TELO2: variants seen among roughly 807,000 people sequenced by gnomAD.
The protein encoded by TELO2 is telomere length regulation protein TEL2 homolog.
A neutral mutation model predicts 91.0 loss-of-function variants in TELO2; 71 were observed. That is an observed-to-expected ratio of 0.78 (90% CI 0.64 to 0.95). The LOEUF is 0.95. Among genes scored for constraint, TELO2 ranks in the 40% least tolerant of loss-of-function variants. The pLI is 0.00. For synonymous variants in TELO2, 584 were observed against 518.9 expected (o/e 1.13, Z -1.71); for missense variants, 1,183 against 1,141.3 (o/e 1.04, Z -0.53).
intron 3 of TELO2, among the ~76,000 whole-genome samples, 176 bp from the exon 4 acceptor site, chr16:1,496,860 G>A (rs2235629): frequency 0.11 from 16,444 of 152,292 alleles, 1,451 homozygotes; most frequent in African/African-American, 0.21. Flanking sequence ...TTGCTTGTCA[G>A]GTTCCACGCA....
At chr16:1,496,690 G>A (rs776580319) in intron 3 of TELO2, among the ~76,000 whole-genome samples, 32 of 152,204 alleles carry the variant, frequency 2.1e-4, no homozygotes, top group Non-Finnish European at 4.1e-4. Flanking sequence ...TCTCATGCCC[G>A]GCTCAGGGCC....
chr16:1,499,210 G>A, intron 5 of TELO2, 21 bp from the exon 6 acceptor site: 4 of 1,613,402 alleles, frequency 2.5e-6, no homozygotes, highest in Non-Finnish European at 3.4e-6. Context: ...TGCAGCTCTG[G>A]CCCCTGACTC....
At chr16:1,501,193 G>A (rs924583611) in intron 9 of TELO2, among the ~76,000 whole-genome samples, 3 of 152,226 alleles carry the variant, frequency 2.0e-5, no homozygotes, top group African/African-American at 2.4e-5. Flanking sequence ...CAGCTCCTTC[G>A]AGAGGGGCCA....
chr16:1,504,649 C>T (rs1300922516), intron 15 of TELO2, among the ~76,000 whole-genome samples: 4 of 148,320 alleles, frequency 2.7e-5, no homozygotes, highest in Non-Finnish European at 6.0e-5. Context: ...GCTCCCCCTC[C>T]CGGGTTCACG....
At position 1,507,288 on chromosome 16, in the gene TELO2, C is replaced by T. The variant is rs757403843; in HGVS notation, c.2227-18C>T. The T allele has an allele frequency of 8.1e-6, 13 of 1,606,552 alleles. No individual in the cohort carries two copies. Among genetic ancestry groups the T allele is most frequent in the Non-Finnish European group, 1.1e-5 (13 of 1,179,792 alleles). ...ACGGCGTCGGGACCCCACTGACTGT[C>T]CCTCTGCTGGTGTCCAGGTGGCTGT... On this transcript the variant is annotated intron_variant, in intron 18 of 20. Coordinates refer to ENST00000262319, the MANE Select transcript of TELO2 (RefSeq NM_016111.4).
intron 19 of TELO2, 108 bp from the exon 20 acceptor site, chr16:1,507,493 G>A: frequency 6.7e-7 from 1 of 1,500,550 alleles, no homozygotes; most frequent in Non-Finnish European, 9.0e-7. Flanking sequence ...TCCCAAATAG[G>A]AAGTGTGCCA....
chr16:1,503,154 C>T (rs2039769010), intron 15 of TELO2, 152 bp downstream of exon 15: 2 of 813,816 alleles, frequency 2.5e-6, no homozygotes, highest in Admixed American at 4.7e-5. Context: ...CAGGACTCAG[C>T]AGTGGGGGAG....
intron 11 of TELO2, 105 bp downstream of exon 11, chr16:1,501,878 T>C: frequency 6.9e-7 from 1 of 1,451,770 alleles, no homozygotes; most frequent in Non-Finnish European, 9.5e-7. Flanking sequence ...TGCTCCGTGC[T>C]TCTTCTCTTT....
In TELO2 at chr16:1,501,028, G is replaced by A. The variant is rs558700627; in HGVS notation, c.1281+329G>A. ...GCCGGGGCTGCAGGGCAGCCAGGTCGCTCTGGGTCGGTGGCCGTGGGTGTC... is the reference window on the plus strand; with the variant it reads ...GCCGGGGCTGCAGGGCAGCCAGGTCACTCTGGGTCGGTGGCCGTGGGTGTC... On this transcript the variant is annotated intron_variant, in intron 9 of 20. Coordinates refer to ENST00000262319, the MANE Select transcript of TELO2 (RefSeq NM_016111.4). Among the ~76,000 whole-genome samples, 5 of 152,354 alleles carry A rather than the reference G, an allele frequency of 3.3e-5. No individual in the cohort carries two copies. The East Asian group carries it at 5.8e-4, about 18-fold the overall frequency.
At position 1,500,458 on chromosome 16, in the gene TELO2, G is replaced by T; in HGVS notation, c.1114G>T (p.Gly372Trp). The T allele has an allele frequency of 7.5e-6, 12 of 1,610,656 alleles. No individual in the cohort carries two copies. Among genetic ancestry groups the T allele is most frequent in the Non-Finnish European group, 1.0e-5 (12 of 1,179,306 alleles). The stretch of plus-strand genomic sequence containing the variant: ...TGTCCTCATCTGCCTGGCGCAACTC[G>T]GGGAGCCGGAACTGCGGGACAGCCG... ...KAVLICLAQL[G>W]EPELRDSRDE... Residue 372 changes from glycine to tryptophan, a missense_variant, in exon 8 of 21, where the codon GGG becomes TGG. Coordinates refer to ENST00000262319, the MANE Select transcript of TELO2 (RefSeq NM_016111.4).
In TELO2 at chr16:1,505,796, A is replaced by G. The variant is rs1596268824; in HGVS notation, c.2034+195A>G. 1.3e-5 allele frequency among the ~76,000 whole-genome samples: 2 copies of G among 152,314 alleles called. No individual in the cohort carries two copies. Among genetic ancestry groups the G allele is most frequent in the Non-Finnish European group, 2.9e-5 (2 of 68,028 alleles). On this transcript the variant is annotated intron_variant, in intron 16 of 20. Coordinates refer to ENST00000262319, the MANE Select transcript of TELO2 (RefSeq NM_016111.4). This position sits in a 1 kb window ranked among gnomAD's most constrained non-coding sequence, Gnocchi z 4.3. ...TGGATTTTGGCTGTAGGAGACCCAG[A>G]CTGGGCTTGGGGACATGATAAGTGA...
Position 1,497,033 on chromosome 16 carries a change from C to T in TELO2, c.614-3C>T, listed in dbSNP as rs1374256078. 1 of 1,613,904 alleles carries T rather than the reference C, an allele frequency of 6.2e-7. No homozygotes were observed. The highest frequency in any genetic ancestry group is 2.2e-5 in the East Asian group (1 of 44,868). On this transcript the variant is annotated splice_polypyrimidine_tract_variant and splice_region_variant and intron_variant, in intron 3 of 20. Coordinates refer to ENST00000262319, the MANE Select transcript of TELO2 (RefSeq NM_016111.4). The surrounding 1 kb of genome is among the most constrained non-coding windows in gnomAD (Gnocchi z 4.0). ...CCTCATCAGGCCTCCCTTTCTGTCC[C>T]AGGTGGCCTGGATTCCTCCGTGTCC...
At chr16:1,504,769 G>C (rs970214361) in intron 15 of TELO2, among the ~76,000 whole-genome samples, 2 of 151,854 alleles carry the variant, frequency 1.3e-5, no homozygotes, top group Admixed American at 6.6e-5. Context: ...GTGTTAGCCA[G>C]GATGGTCTCA....
At position 1,506,950 on chromosome 16, in the gene TELO2, A is replaced by T. The variant is rs1163241332; in HGVS notation, c.2127-2A>T. ...CACCTTGGGCTCCATCCTGTGCTCT[A>T]GGCCTCTGGTGACCTTCGACCTCTT... On this transcript the variant is annotated splice_acceptor_variant, in intron 17 of 20. Coordinates refer to ENST00000262319, the MANE Select transcript of TELO2 (RefSeq NM_016111.4). LOFTEE classifies it high-confidence loss of function. 1 of 1,607,562 alleles carries T rather than the reference A, an allele frequency of 6.2e-7. No individual in the cohort carries two copies. The highest frequency in any genetic ancestry group is 1.1e-5 in the South Asian group (1 of 89,936).
chr16:1,501,821 C>A, intron 11 of TELO2, 48 bp downstream of exon 11: 1 of 1,571,328 alleles, frequency 6.4e-7, no homozygotes, highest in African/African-American at 1.3e-5. Context: ...GGCCGGGAGG[C>A]GAACCCCTCA....
At chr16:1,502,801 A>G in intron 14 of TELO2, 40 bp downstream of exon 14, 1 of 1,605,408 alleles carries the variant, frequency 6.2e-7, no homozygotes, top group Non-Finnish European at 8.5e-7. Flanking sequence ...GTGCAGGCAC[A>G]GCGGGAAGCA....
chr16:1,495,609 T>TGG lies in TELO2; in HGVS notation c.600_601dup (p.Asp201GlyfsTer69). ...GTCGTCCGGGTGCTGCAGGCGGTTG[T>TGG]GGACTCTCTCCAAGGTGAGGCCCTG... is the stretch of plus-strand genomic sequence containing the variant. On this transcript the variant is annotated frameshift_variant, in exon 3 of 21. Coordinates refer to ENST00000262319, the MANE Select transcript of TELO2 (RefSeq NM_016111.4). LOFTEE classifies it high-confidence loss of function. 1 of 1,600,032 alleles carries TGG rather than the reference T, an allele frequency of 6.2e-7. No individual in the cohort carries two copies. The highest frequency in any genetic ancestry group is 8.5e-7 in the Non-Finnish European group (1 of 1,171,080).
chr16:1,502,824 G>T (rs2039747927), intron 14 of TELO2, 63 bp downstream of exon 14: 1 of 1,602,380 alleles, frequency 6.2e-7, no homozygotes, highest in Admixed American at 1.7e-5. Flanking sequence ...GGGAGCTGCG[G>T]TGCCTGAGTC....
rs141587139 is a variant in TELO2, at chr16:1,501,925, C to T, written c.1473-122C>T. On this transcript the variant is annotated intron_variant, in intron 11 of 20. Transcript: ENST00000262319. ...GAGGGCCCGCAGCTCCCAGCTCCAC[C>T]GTAGGCGCAGGGGCCGAGGCGTGAG... The T allele has an allele frequency of 1.9e-4, 281 of 1,485,326 alleles. 3 individuals carry two copies. The East Asian group carries it at 4.6e-3, about 24-fold the overall frequency. 92.0% of individuals were successfully genotyped at this position (1,485,326 alleles called of 1,614,324 possible).
Sources: allele counts gnomAD v4.1 joint callset (sites outside exome capture counted in the v4.1 genomes callset), GRCh38; gene constraint gnomAD v4.1.1; non-coding constraint Gnocchi (gnomAD v3.1); transcripts MANE v1.5; gene names NCBI Gene and HGNC (gene_info 2026-07-23, HGNC 2026-07-21).